DNAH5: variants seen among roughly 807,000 people sequenced by gnomAD.
DNAH5 encodes axonemal beta dynein heavy chain 5.
In DNAH5, 372 loss-of-function variants were observed where a neutral mutation model predicts 518.2. The ratio of observed to expected loss-of-function variants is 0.72; its 90% CI spans 0.66 to 0.78. The LOEUF is 0.78. DNAH5 is among the 30% of genes least tolerant of loss of function. The pLI is 0.00. For synonymous variants in DNAH5, 2,039 were observed against 2,025.9 expected, an observed-to-expected ratio of 1.01 and a Z score of -0.17; for missense variants, 5,523 against 5,687.0, an observed-to-expected ratio of 0.97 and a Z score of 0.93.
intron 65 of DNAH5, among the ~76,000 whole-genome samples, chr5:13,742,735 A>C (rs541211631): frequency 6.6e-6 from 1 of 152,220 alleles, no homozygotes; most frequent in East Asian, 1.9e-4. Context: ...ATATTCCCAA[A>C]GGATTAAAAT....
intron 1 of DNAH5, among the ~76,000 whole-genome samples, chr5:13,941,701 T>C (rs1779478127): frequency 6.6e-6 from 1 of 152,218 alleles, no homozygotes; most frequent in South Asian, 2.1e-4. Context: ...CCCCCACAGC[T>C]TCTACCCACA....
At chr5:13,701,873 C>T (rs1303578733) in intron 76 of DNAH5, among the ~76,000 whole-genome samples, 1 of 152,198 alleles carries the variant, frequency 6.6e-6, no homozygotes, top group Non-Finnish European at 1.5e-5. Context: ...CCTAAATATG[C>T]TCATGGCCTT....
At chr5:13,777,181 A>G in intron 54 of DNAH5, 21 bp downstream of exon 54, 1 of 1,609,214 alleles carries the variant, frequency 6.2e-7, no homozygotes, top group Non-Finnish European at 8.5e-7. Context: ...TAAAACACAT[A>G]AAGAATAAAT....
chr5:13,999,637 T>C (rs1784211173), intron 1 of DNAH5, among the ~76,000 whole-genome samples: 1 of 152,266 alleles, frequency 6.6e-6, no homozygotes, highest in South Asian at 2.1e-4. Flanking sequence ...TTGTAAATAC[T>C]GCTGCAATAA....
rs192649513 is a variant in DNAH5 at position 13,872,137 on chromosome 5, C to A, written c.3397-372G>T. On this transcript the variant is annotated intron_variant, in intron 22 of 78. Coordinates refer to ENST00000265104, the MANE Select transcript of DNAH5 (RefSeq NM_001369.3). Reference sequence around the variant, plus strand: ...ATGAAAAACATACTCTGAGGTCATTCTCCTCTTTCCCCCCTCCCCTCAGAT... The same window carrying A: ...ATGAAAAACATACTCTGAGGTCATTATCCTCTTTCCCCCCTCCCCTCAGAT... Among the ~76,000 whole-genome samples the A allele has an allele frequency of 4.6e-5, 7 of 152,250 alleles. No individual in the cohort carries two copies. In the East Asian group the frequency reaches 1.4e-3, roughly 29 times the overall value.
chr5:13,841,353 A>G (rs759905742), intron 33 of DNAH5, among the ~76,000 whole-genome samples: 12 of 152,166 alleles, frequency 7.9e-5, no homozygotes, highest in Non-Finnish European at 1.3e-4. Context: ...TTAATGCTGA[A>G]TCTATTTTTC....
At chr5:13,819,758 A>G (rs1761969576) in intron 41 of DNAH5, among the ~76,000 whole-genome samples, 1 of 152,180 alleles carries the variant, frequency 6.6e-6, no homozygotes. Flanking sequence ...AGGCTTAGGG[A>G]CATCTGGAAA....
In DNAH5 at chr5:13,891,644, C is replaced by A. The variant is rs1773233153; in HGVS notation, c.2432-523G>T. The stretch of plus-strand genomic sequence containing the variant: ...CTTCCGTCTCTGCGGATTGTCTACC[C>A]ATGTGTCTTATCTTCTTTAGAATTC... On this transcript the variant is annotated intron_variant, in intron 16 of 78. Coordinates refer to ENST00000265104, the MANE Select transcript of DNAH5 (RefSeq NM_001369.3). Among the ~76,000 whole-genome samples, 8 of 152,310 alleles carry A rather than the reference C, an allele frequency of 5.3e-5. No individual in the cohort carries two copies. The South Asian group carries it at 1.7e-3, about 32-fold the overall frequency.
chr5:13,761,781 G>A (rs1751819704), intron 60 of DNAH5, among the ~76,000 whole-genome samples: 1 of 152,150 alleles, frequency 6.6e-6, no homozygotes, highest in Non-Finnish European at 1.5e-5. Flanking sequence ...TATTTGCTCT[G>A]AAATTCTCGG....
chr5:13,900,795 T>C (rs1190842154), intron 14 of DNAH5: 5 of 321,442 alleles, frequency 1.6e-5, no homozygotes, highest in African/African-American at 1.1e-4. Flanking sequence ...AGAAAAACAA[T>C]GAACACAGCT....
At chr5:13,771,068 T>G in intron 55 of DNAH5, 88 bp from the exon 56 acceptor site, 1 of 1,230,334 alleles carries the variant, frequency 8.1e-7, no homozygotes, top group Non-Finnish European at 1.2e-6. Context: ...ACTTAGACAT[T>G]TCTTAGGAAT....
chr5:13,722,143 G>C (rs1361669984), intron 70 of DNAH5, among the ~76,000 whole-genome samples: 1 of 152,124 alleles, frequency 6.6e-6, no homozygotes, highest in African/African-American at 2.4e-5. Flanking sequence ...CCAAGGGCTA[G>C]GCAGGTGAGC....
chr5:13,742,230 G>A (rs142758094), intron 65 of DNAH5, among the ~76,000 whole-genome samples: 5 of 152,230 alleles, frequency 3.3e-5, no homozygotes, highest in Non-Finnish European at 7.4e-5. Context: ...CTGGGAATGA[G>A]AGCATGGACT....
intron 30 of DNAH5, among the ~76,000 whole-genome samples, chr5:13,853,918 G>C (rs567097693): frequency 6.6e-6 from 1 of 152,210 alleles, no homozygotes; most frequent in South Asian, 2.1e-4. Context: ...AAAAGTGATG[G>C]GGAGAATGGA....
rs554269801 is a variant in DNAH5, at chr5:13,915,590, G to T, written c.1197+758C>A. Reference sequence around the variant, plus strand: ...TCCTGTCTACCTGAACTACCTACATGACAGAAGGAAAACGTTTCCTATTGA... The same window carrying T: ...TCCTGTCTACCTGAACTACCTACATTACAGAAGGAAAACGTTTCCTATTGA... On this transcript the variant is annotated intron_variant, in intron 9 of 78. Transcript: ENST00000265104. Among the ~76,000 whole-genome samples the T allele has an allele frequency of 2.6e-5, 4 of 152,158 alleles. No homozygotes were observed. The East Asian group carries it at 7.7e-4, about 29-fold the overall frequency.
chr5:13,981,712 G>C (rs986330514), intron 1 of DNAH5, among the ~76,000 whole-genome samples: 3 of 152,192 alleles, frequency 2.0e-5, no homozygotes, highest in African/African-American at 4.8e-5. Flanking sequence ...AGCTTTATCA[G>C]TAATAACAGA....
intron 63 of DNAH5, among the ~76,000 whole-genome samples, chr5:13,752,709 G>C (rs918142562): frequency 2.6e-5 from 4 of 152,158 alleles, no homozygotes; most frequent in African/African-American, 9.7e-5. Context: ...TTTAGGATAA[G>C]GGGCATTCAA....
intron 25 of DNAH5, among the ~76,000 whole-genome samples, chr5:13,867,102 T>A (rs1010312341): frequency 6.6e-6 from 1 of 152,206 alleles, no homozygotes; most frequent in Admixed American, 6.5e-5. Flanking sequence ...ATAGTACTTT[T>A]CTACACAAAT....
Position 13,780,811 on chromosome 5 carries a change from A to G in DNAH5, c.8951+18T>C, listed in dbSNP as rs570510824. 1.7e-5 allele frequency: 28 copies of G among 1,613,068 alleles called. 1 individual carries two copies. In the South Asian group the frequency reaches 3.0e-4, roughly 17 times the overall value. On this transcript the variant is annotated intron_variant, in intron 53 of 78. Transcript: ENST00000265104. ...TATCAAAATCCATGTTAGGTTTGTT[A>G]AAGTAAAAGGTTGTCACCTCGTCAG... is the stretch of plus-strand genomic sequence containing the variant.
Sources: allele counts gnomAD v4.1 joint callset (sites outside exome capture counted in the v4.1 genomes callset), GRCh38; gene constraint gnomAD v4.1.1; transcripts MANE v1.5; gene names NCBI Gene and HGNC (gene_info 2026-07-23, HGNC 2026-07-21).